TENM3: variants seen among roughly 807,000 people sequenced by gnomAD.
TENM3 encodes the protein teneurin transmembrane protein 3.
Under a neutral mutation model 255.1 loss-of-function variants are expected in TENM3, and 63 were observed. The ratio of observed to expected loss-of-function variants is 0.25; its 90% CI spans 0.20 to 0.30. The LOEUF is 0.30. TENM3 is among the 10% of genes least tolerant of loss of function. The pLI is 1.00. For missense variants in TENM3, 2,929 were observed against 3,461.1 expected (o/e 0.85, Z 3.86); for synonymous variants, 1,306 against 1,322.3 (o/e 0.99, Z 0.27).
intron 3 of TENM3, among the ~76,000 whole-genome samples, chr4:182,366,812 TAAA>T (rs1168893889): frequency 1.3e-5 from 2 of 152,144 alleles, no homozygotes; most frequent in African/African-American, 2.4e-5. Flanking sequence ...AAAGCAGACT[TAAA>T]GAAGCTTATG....
intron 10 of TENM3, 27 bp from the exon 11 acceptor site, chr4:182,681,787 A>T: frequency 6.4e-7 from 1 of 1,556,154 alleles, no homozygotes; most frequent in Non-Finnish European, 8.8e-7. Flanking sequence ...TCTGGATTTA[A>T]TAAAATTGTT....
chr4:181,520,376 C>G, the TENM3 span, among the ~76,000 whole-genome samples: 1 of 152,254 alleles, frequency 6.6e-6, no homozygotes, highest in Admixed American at 6.5e-5. Context: ...ACTGCTCTCA[C>G]TCTTTCACCT....
the TENM3 span, chr4:182,081,900 T>C: frequency 1.3e-5 from 2 of 152,158 alleles, no homozygotes; most frequent in African/African-American, 4.8e-5. Flanking sequence ...GGCTTTTGTG[T>C]ATGGAGTGAC....
At chr4:182,264,301 T>G (rs1250446335) in intron 1 of TENM3, among the ~76,000 whole-genome samples, 1 of 152,174 alleles carries the variant, frequency 6.6e-6, no homozygotes, top group East Asian at 1.9e-4. Context: ...AGCAAGCTGG[T>G]TAGTCGCAAA....
chr4:181,480,177 A>C, the TENM3 span, among the ~76,000 whole-genome samples: 1 of 152,186 alleles, frequency 6.6e-6, no homozygotes, highest in Non-Finnish European at 1.5e-5. Flanking sequence ...ACATTTATTT[A>C]AAATGTTTAT....
the TENM3 span, among the ~76,000 whole-genome samples, chr4:181,588,054 A>T: frequency 3.9e-5 from 6 of 152,138 alleles, no homozygotes; most frequent in Non-Finnish European, 8.8e-5. Context: ...GTCACGGGAA[A>T]GCAGGGAGCA....
chr4:182,389,703 T>TTTTTTTTTTTA (rs1561396830), intron 3 of TENM3, among the ~76,000 whole-genome samples: 1 of 148,414 alleles, frequency 6.7e-6, no homozygotes, highest in African/African-American at 2.5e-5. Context: ...TTTTTTTTTT[T>TTTTTTTTTTTA]GAGACGGAGT....
intron 3 of TENM3, among the ~76,000 whole-genome samples, chr4:182,357,216 C>T (rs1765614711): frequency 6.6e-6 from 1 of 151,786 alleles, no homozygotes; most frequent in African/African-American, 2.4e-5. Flanking sequence ...GATTTATAGT[C>T]CTTTGGGTAT....
At chr4:181,615,057 A>C in the TENM3 span, among the ~76,000 whole-genome samples, 2 of 152,142 alleles carry the variant, frequency 1.3e-5, no homozygotes, top group African/African-American at 2.4e-5. Context: ...TTGCTGCTGA[A>C]TGTCTAGGTT....
At chr4:181,561,980 T>C in the TENM3 span, among the ~76,000 whole-genome samples, 1 of 152,332 alleles carries the variant, frequency 6.6e-6, no homozygotes, top group African/African-American at 2.4e-5. Flanking sequence ...TTTTTTAATT[T>C]TGTCTAATTC....
the TENM3 span, among the ~76,000 whole-genome samples, chr4:181,460,465 A>G: frequency 6.6e-6 from 1 of 151,788 alleles, no homozygotes; most frequent in Non-Finnish European, 1.5e-5. Context: ...CTGCCTTTTA[A>G]TTGGTGCTTA....
chr4:181,996,057 G>A, the TENM3 span, among the ~76,000 whole-genome samples: 2 of 151,474 alleles, frequency 1.3e-5, no homozygotes, highest in African/African-American at 2.4e-5. Flanking sequence ...TGGTGGATGA[G>A]TGTTAAGAGG....
intron 3 of TENM3, among the ~76,000 whole-genome samples, chr4:182,392,056 A>G (rs1768465500): frequency 6.6e-6 from 1 of 152,184 alleles, no homozygotes; most frequent in South Asian, 2.1e-4. Context: ...TTATAATTCA[A>G]CTACCAGTAC....
chr4:181,981,713 T>A, the TENM3 span, among the ~76,000 whole-genome samples: 2 of 152,018 alleles, frequency 1.3e-5, no homozygotes, highest in Non-Finnish European at 2.9e-5. Flanking sequence ...AAGGAGTAGA[T>A]AAAGATAGTC....
the TENM3 span, among the ~76,000 whole-genome samples, chr4:181,844,478 C>T: frequency 6.6e-6 from 1 of 151,938 alleles, no homozygotes; most frequent in Non-Finnish European, 1.5e-5. Flanking sequence ...ACCATCTTGG[C>T]TAACACGGTG....
At chr4:182,060,344 G>A in the TENM3 span, among the ~76,000 whole-genome samples, 4 of 152,176 alleles carry the variant, frequency 2.6e-5, no homozygotes, top group Admixed American at 2.0e-4. Context: ...GGCAGACGCT[G>A]GTGGATGGGG....
chr4:182,774,851 A>G (rs1764548620), intron 23 of TENM3, 67 bp from the exon 24 acceptor site: 1 of 1,170,416 alleles, frequency 8.5e-7, no homozygotes, highest in African/African-American at 1.5e-5. Flanking sequence ...AACCTATCTC[A>G]CGGCACAACC....
chr4:182,699,163 A>G (rs1242889017), intron 12 of TENM3, among the ~76,000 whole-genome samples: 3 of 152,200 alleles, frequency 2.0e-5, no homozygotes, highest in Non-Finnish European at 1.5e-5. Flanking sequence ...TTGAGTCCCA[A>G]TAGCTATTGC....
the TENM3 span, among the ~76,000 whole-genome samples, chr4:181,601,723 C>A: frequency 0.036 from 5,440 of 152,186 alleles, 114 homozygotes; most frequent in Non-Finnish European, 0.047. Context: ...GGCCCCGTCA[C>A]GTTAGACTGG....
Sources: gnomAD v4.1 joint callset for allele counts (sites outside exome capture counted in the v4.1 genomes callset) on GRCh38, gnomAD v4.1.1 for gene constraint, MANE v1.5 for transcripts, NCBI Gene and HGNC (gene_info 2026-07-23, HGNC 2026-07-21) for gene names.